ZNF248: variants seen among roughly 807,000 people sequenced by gnomAD.
ZNF248 encodes the protein KRAB protein domain.
In ZNF248, 20 loss-of-function variants were observed where a neutral mutation model predicts 44.3. The ratio of observed to expected loss-of-function variants is 0.45; its 90% CI spans 0.32 to 0.66. ZNF248 has a LOEUF of 0.66. ZNF248 is among the 30% of genes least tolerant of loss of function. The probability of loss-of-function intolerance (pLI) is 0.04; values close to 1 mark genes in which losing one functional copy is unlikely to be tolerated. For missense variants in ZNF248, 654 were observed against 677.0 expected (o/e 0.97, Z 0.38); for synonymous variants, 224 against 229.0 (o/e 0.98, Z 0.20).
intron 6 of ZNF248, among the ~76,000 whole-genome samples, chr10:37,780,669 C>A (rs1229269707): frequency 2.6e-5 from 4 of 152,166 alleles, no homozygotes; most frequent in African/African-American, 9.7e-5. Flanking sequence ...CGCGCCCTTC[C>A]AGGGCCAAGG....
Position 37,837,678 on chromosome 10 carries a change from C to G in ZNF248, c.177G>C (p.Lys59Asn). 6.2e-7 allele frequency: 1 copy of G among 1,614,094 alleles called. No homozygotes were observed. The highest frequency in any genetic ancestry group is 8.5e-7 in the Non-Finnish European group (1 of 1,180,018). Residue 59 changes from lysine (K) to asparagine (N), a missense_variant, in exon 5 of 6, where the codon AAG becomes AAC. Transcript: ENST00000395867. ...YCITKPEVIF[K>N]IEQGEEPWIL... ...TCCAGGGCTCTTCTCCTTGCTCGAT[C>G]TTAAAGATCACTTCTGGTTTAGTAA...
intron 6 of ZNF248, among the ~76,000 whole-genome samples, chr10:37,786,084 A>G (rs1197038363): frequency 6.6e-6 from 1 of 152,170 alleles, no homozygotes; most frequent in Non-Finnish European, 1.5e-5. Flanking sequence ...GGAAATGGGC[A>G]CTATACCTGG....
chr10:37,759,455 C>G, the ZNF248 span, among the ~76,000 whole-genome samples: 1 of 152,128 alleles, frequency 6.6e-6, no homozygotes, highest in East Asian at 1.9e-4. Flanking sequence ...TTAATGTGTT[C>G]CAGATGGGAG....
chr10:37,800,030 A>G (rs142016422), intron 6 of ZNF248, among the ~76,000 whole-genome samples: 10 of 152,232 alleles, frequency 6.6e-5, no homozygotes, highest in African/African-American at 2.2e-4. Context: ...CAACATAATG[A>G]GACTCTGTCT....
chr10:37,773,395 A>G (rs1477150716), downstream of ZNF248, among the ~76,000 whole-genome samples: 1 of 152,232 alleles, frequency 6.6e-6, no homozygotes, highest in Non-Finnish European at 1.5e-5. Context: ...ACAGAAAGTA[A>G]GTGTTGGTGA....
At chr10:37,827,474 C>A (rs2054560839), downstream of ZNF248, among the ~76,000 whole-genome samples, 1 of 152,138 alleles carries the variant, frequency 6.6e-6, no homozygotes, top group African/African-American at 2.4e-5. Flanking sequence ...GTATCTGAGA[C>A]CTTTCTCTTC....
intron 5 of ZNF248, among the ~76,000 whole-genome samples, chr10:37,837,086 A>T (rs1351042653): frequency 8.7e-6 from 1 of 114,402 alleles, no homozygotes; most frequent in Non-Finnish European, 1.9e-5. Context: ...TTTAAAATGT[A>T]AAAAAAAAAA....
At chr10:37,844,946 T>G (rs2059029876) in intron 3 of ZNF248, among the ~76,000 whole-genome samples, 1 of 33,056 alleles carries the variant, frequency 3.0e-5, no homozygotes, top group Non-Finnish European at 6.1e-5. Context: ...CCCTCCCCCT[T>G]CCCTCCCCCC....
At chr10:37,816,057 A>T (rs1364228166) in intron 6 of ZNF248, among the ~76,000 whole-genome samples, 1 of 151,804 alleles carries the variant, frequency 6.6e-6, no homozygotes, top group Non-Finnish European at 1.5e-5. Context: ...TTAAATCCTC[A>T]GGAATTTACT....
the ZNF248 span, among the ~76,000 whole-genome samples, chr10:37,764,703 T>C: frequency 6.6e-6 from 1 of 152,208 alleles, no homozygotes; most frequent in African/African-American, 2.4e-5. Flanking sequence ...CATTTTGAAT[T>C]ACTGGGGACA....
the ZNF248 span, among the ~76,000 whole-genome samples, chr10:37,771,523 CA>C: frequency 1 from 151,014 of 151,506 alleles, 75,263 homozygotes; most frequent in East Asian, 1. Context: ...ATCGCAAGGA[CA>C]AAAAAATCAA....
chr10:37,794,146 T>G (rs1462047305), intron 6 of ZNF248: 2 of 152,234 alleles, frequency 1.3e-5, no homozygotes, highest in African/African-American at 2.4e-5. Context: ...TTTCAATATT[T>G]AAGACATTTT....
intron 1 of ZNF248, 167 bp downstream of exon 1, chr10:37,857,018 A>G (rs1239308419): frequency 4.6e-5 from 7 of 152,338 alleles, no homozygotes; most frequent in Admixed American, 4.6e-4. Flanking sequence ...TCAGGCCAAG[A>G]GAGGAGGAAG....
the ZNF248 span, among the ~76,000 whole-genome samples, chr10:37,758,746 ATT>A: frequency 8.5e-5 from 13 of 152,184 alleles, no homozygotes; most frequent in East Asian, 1.3e-3. Context: ...ATATAATCAT[ATT>A]GTTATTATCT....
At chr10:37,806,456 TCA>T (rs2050581394) in intron 6 of ZNF248, among the ~76,000 whole-genome samples, 1 of 152,144 alleles carries the variant, frequency 6.6e-6, no homozygotes, top group African/African-American at 2.4e-5. Context: ...AGGTGGTATC[TCA>T]TTGTGGTTTT....
the ZNF248 span, among the ~76,000 whole-genome samples, chr10:37,765,460 T>C: frequency 0.25 from 38,022 of 152,176 alleles, 4,940 homozygotes; most frequent in East Asian, 0.4. Flanking sequence ...GTCCACACTT[T>C]GCATGATTCT....
chr10:37,791,038 ATTTCTTTTT>A (rs2048475358), intron 6 of ZNF248, among the ~76,000 whole-genome samples: 7 of 39,646 alleles, frequency 1.8e-4, no homozygotes, highest in African/African-American at 6.8e-4. Flanking sequence ...ATACTTTGTT[ATTTCTTTTT>A]TTTTTTTTTT....
chr10:37,763,293 G>T, the ZNF248 span, among the ~76,000 whole-genome samples: 558 of 152,352 alleles, frequency 3.7e-3, 4 homozygotes, highest in Middle Eastern at 0.017. Flanking sequence ...TTGGTTCACA[G>T]CAGGCTTGCA....
In ZNF248 at chr10:37,800,766, C is replaced by CT. The variant is rs60341570; in HGVS notation, c.331-24192dup. ...GTATAAACATTAAACAACATTTTTT[C>CT]TTTTTTTTTTTTTGAGATGGAGTCT... On this transcript the variant is annotated intron_variant, in intron 6 of 6. Transcript: ENST00000615949. 3.2e-3 allele frequency among the ~76,000 whole-genome samples: 470 copies of CT among 144,886 alleles called. 3 individuals are homozygous for CT. Among genetic ancestry groups the CT allele is most frequent in the East Asian group, 0.014 (68 of 4,864 alleles).
Sources: gnomAD v4.1 joint callset for allele counts (sites outside exome capture counted in the v4.1 genomes callset) on GRCh38, gnomAD v4.1.1 for gene constraint, MANE v1.5 for transcripts, NCBI Gene and HGNC (gene_info 2026-07-23, HGNC 2026-07-21) for gene names.